Variants in ZFAND4 observed in about 807,000 individuals in gnomAD.
ZFAND4 encodes the protein zinc finger AN1-type containing 4.
In ZFAND4, 43 loss-of-function variants were observed where a neutral mutation model predicts 64.4. The observed-to-expected ratio is 0.67, with a 90% CI of 0.52 to 0.86. ZFAND4 has a LOEUF of 0.86. ZFAND4 is among the 40% of genes least tolerant of loss of function. The probability of loss-of-function intolerance (pLI) is 0.00; values close to 1 mark genes in which losing one functional copy is unlikely to be tolerated. For missense variants in ZFAND4, 929 were observed against 859.8 expected (o/e 1.08, Z -1.01); for synonymous variants, 296 against 305.7 (o/e 0.97, Z 0.33).
rs371664334 is a variant in ZFAND4, at chr10:45,626,320, C to T, written c.1503G>A (p.Lys501=). The T allele has an allele frequency of 1.2e-6, 2 of 1,614,222 alleles. 1 individual carries two copies. ...GTGACTGAGAAGAAGAAGGCTGTAG[C>T]TTCCCAAACTCAAAACATTTGGACT... The part of the protein sequence containing the change: ...ERQSKCFEFG[K]LQPSSSQSLD... Residue 501 remains lysine, a synonymous_variant, in exon 7 of 10, where the codon AAG becomes AAA. Transcript: ENST00000344646.
intron 5 of ZFAND4, chr10:45,640,423 T>TTAA (rs766795634): frequency 2.2e-6 from 2 of 917,010 alleles, no homozygotes; most frequent in African/African-American, 2.9e-5. Flanking sequence ...AGATTCTCAC[T>TTAA]AAAAAAAAAA....
intron 5 of ZFAND4, among the ~76,000 whole-genome samples, chr10:45,646,298 A>T (rs1033442830): frequency 2.0e-5 from 3 of 152,152 alleles, no homozygotes; most frequent in Admixed American, 2.0e-4. Flanking sequence ...AAAATCCTAA[A>T]ATAGTTACTA....
In ZFAND4 at chr10:45,626,714, A is replaced by G. The variant is rs758504179; in HGVS notation, c.1109T>C (p.Phe370Ser). ...GSSLPRQTKH[F>S]LGNLPSSNGN... ...ATTACTAGATGGCAAGTTTCCTAAA[A>G]AATGTTTTGTTTGCCTAGGCAGGGA... Residue 370 changes from phenylalanine to serine, a missense_variant, in exon 7 of 10, where the codon TTT becomes TCT. By Grantham distance (155) the Phe-to-Ser change is radical. Coordinates refer to ENST00000344646, the MANE Select transcript of ZFAND4 (RefSeq NM_174890.4). 4 of 1,614,234 alleles carry G rather than the reference A, an allele frequency of 2.5e-6. No homozygotes were observed. The highest frequency in any genetic ancestry group is 3.4e-6 in the Non-Finnish European group (4 of 1,180,046).
chr10:45,646,168 G>T (rs1429317872), intron 5 of ZFAND4, among the ~76,000 whole-genome samples: 1 of 152,236 alleles, frequency 6.6e-6, no homozygotes, highest in East Asian at 1.9e-4. Flanking sequence ...ACAAACAGAA[G>T]AAAAGTACCC....
At chr10:45,649,897 A>G (rs2047647741) in intron 4 of ZFAND4, 1 of 152,258 alleles carries the variant, frequency 6.6e-6, no homozygotes, top group Non-Finnish European at 1.5e-5. Context: ...CAGTCACATG[A>G]AAGCCTTTCC....
At chr10:45,656,936 C>A (rs956669698) in intron 2 of ZFAND4, among the ~76,000 whole-genome samples, 12 of 152,088 alleles carry the variant, frequency 7.9e-5, no homozygotes, top group Non-Finnish European at 1.6e-4. Flanking sequence ...CTTGGACTTC[C>A]CAGCTCCAGA....
intron 2 of ZFAND4, among the ~76,000 whole-genome samples, chr10:45,660,418 A>G (rs1208937135): frequency 2.0e-5 from 3 of 152,182 alleles, no homozygotes; most frequent in African/African-American, 7.2e-5. Flanking sequence ...ACATCTATTA[A>G]CTGTGGGACA....
In ZFAND4 at chr10:45,654,591, C is replaced by T. The variant is rs569875319; in HGVS notation, c.185-1532G>A. ...CCGAGATTGCGCCACTGCACTCCAG[C>T]CTGGCAACAGAGTGAGACTCCATCT... On this transcript the variant is annotated intron_variant, in intron 2 of 9. Coordinates refer to ENST00000344646, the MANE Select transcript of ZFAND4 (RefSeq NM_174890.4). 4.6e-5 allele frequency among the ~76,000 whole-genome samples: 7 copies of T among 151,730 alleles called. 1 individual carries two copies. In the South Asian group the frequency reaches 1.3e-3, roughly 27 times the overall value.
At chr10:45,629,009 C>T (rs755744335) in intron 6 of ZFAND4, among the ~76,000 whole-genome samples, 3 of 150,536 alleles carry the variant, frequency 2.0e-5, no homozygotes, top group Non-Finnish European at 4.4e-5. Context: ...TATGAAGATA[C>T]TAAAAATAGA....
chr10:45,661,374 C>T (rs565114189), intron 2 of ZFAND4, among the ~76,000 whole-genome samples: 1 of 152,068 alleles, frequency 6.6e-6, no homozygotes, highest in Non-Finnish European at 1.5e-5. Context: ...CCTCCTTGTT[C>T]CTAATGCAGC....
chr10:45,648,423 T>A lies in ZFAND4; in HGVS notation c.440A>T (p.Glu147Val). The stretch of plus-strand genomic sequence containing the variant: ...AGGAAAGAAATTCAATTGATCTCCT[T>A]CTTGGTATACCAAAAATGTAACTTG... ...SKQVTFLVYQ[E>V]GDQLNFFPAV... Residue 147 changes from glutamate to valine, a missense_variant, in exon 5 of 10, where the codon GAA becomes GTA. Glu to Val is a moderately radical substitution (Grantham distance 121). Coordinates refer to ENST00000344646, the MANE Select transcript of ZFAND4 (RefSeq NM_174890.4). 6.2e-7 allele frequency: 1 copy of A among 1,614,082 alleles called. No individual in the cohort carries two copies. The highest frequency in any genetic ancestry group is 8.5e-7 in the Non-Finnish European group (1 of 1,179,994).
intron 5 of ZFAND4, among the ~76,000 whole-genome samples, chr10:45,645,322 T>C (rs112909171): frequency 1.3e-5 from 2 of 152,138 alleles, no homozygotes; most frequent in Non-Finnish European, 2.9e-5. Context: ...CATCAGCAGG[T>C]ATTTCATGGT....
At chr10:45,628,774 C>A (rs2046006079) in intron 6 of ZFAND4, among the ~76,000 whole-genome samples, 1 of 151,204 alleles carries the variant, frequency 6.6e-6, no homozygotes, top group African/African-American at 2.4e-5. Context: ...ACCCATGCAT[C>A]AGAAAAACTG....
chr10:45,657,959 C>T (rs963000926), intron 2 of ZFAND4, among the ~76,000 whole-genome samples: 26 of 152,232 alleles, frequency 1.7e-4, no homozygotes, highest in African/African-American at 5.3e-4. Flanking sequence ...ACAAAAGGTA[C>T]AGGAGAATTC....
chr10:45,648,632 C>A (rs528317994), intron 4 of ZFAND4, 98 bp from the exon 5 acceptor site: 15 of 1,298,950 alleles, frequency 1.2e-5, no homozygotes, highest in Non-Finnish European at 1.6e-5. Context: ...GAACAACAGT[C>A]CTGTGCATAT....
intron 1 of ZFAND4, 99 bp downstream of exon 1, chr10:45,672,147 GCCTA>G (rs1457356884): frequency 2.6e-5 from 4 of 152,180 alleles, no homozygotes; most frequent in Non-Finnish European, 4.4e-5. Context: ...CACATCAACC[GCCTA>G]ACTTGTCTGT....
rs2049272691 is a variant in ZFAND4, at chr10:45,672,559, G to C, written c.-427C>G. 6.6e-6 allele frequency: 1 copy of C among 151,964 alleles called. No individual in the cohort carries two copies. The highest frequency in any genetic ancestry group is 6.6e-5 in the Admixed American group (1 of 15,232). The allele number at this position is 151,964 out of a possible 1,614,324, so 9.4% of individuals were successfully genotyped here. The stretch of plus-strand genomic sequence containing the variant: ...CCCGGCAGCCCAGCGCCGAGCGCCC[G>C]CGCCACTCCGGCCTTGCGCCATTCC... On this transcript the variant is annotated 5_prime_UTR_variant, in exon 1 of 10. Coordinates refer to ENST00000344646, the MANE Select transcript of ZFAND4 (RefSeq NM_174890.4).
At chr10:45,642,346 G>A (rs1589343849) in intron 5 of ZFAND4, among the ~76,000 whole-genome samples, 3 of 151,886 alleles carry the variant, frequency 2.0e-5, no homozygotes, top group African/African-American at 4.8e-5. Context: ...GATGGCTCAC[G>A]CCTGTAATCC....
chr10:45,649,280 C>G (rs1188028212), intron 4 of ZFAND4, among the ~76,000 whole-genome samples: 1 of 151,958 alleles, frequency 6.6e-6, no homozygotes, highest in East Asian at 1.9e-4. Flanking sequence ...AGAGCTGTTC[C>G]TTGACATGAA....
Sources: gnomAD v4.1 joint callset for allele counts (sites outside exome capture counted in the v4.1 genomes callset) on GRCh38, gnomAD v4.1.1 for gene constraint, MANE v1.5 for transcripts, NCBI Gene and HGNC (gene_info 2026-07-23, HGNC 2026-07-21) for gene names.